NLGN4X: variants seen among roughly 807,000 people sequenced by gnomAD.
The protein encoded by NLGN4X is neuroligin-4, X-linked.
In NLGN4X, 3 loss-of-function variants were observed where a neutral mutation model predicts 40.3. The observed-to-expected ratio is 0.07, with a 90% CI of 0.03 to 0.19. The LOEUF (loss-of-function observed/expected upper bound fraction) is 0.19. NLGN4X is among the 10% of genes least tolerant of loss of function. The pLI is 1.00. For synonymous variants in NLGN4X, 270 were observed against 306.8 expected (o/e 0.88, Z 1.25); for missense variants, 382 against 708.3 (o/e 0.54, Z 5.23).
chrX:5,987,207 G>GA lies in NLGN4X; in HGVS notation c.625+42072dup, dbSNP rs1483693219. Among the ~76,000 whole-genome samples the GA allele has an allele frequency of 4.5e-5, 5 of 111,469 alleles. No individual in the cohort carries two copies. In the South Asian group the frequency reaches 1.1e-3, roughly 25 times the overall value. On this transcript the variant is annotated intron_variant, in intron 3 of 5. Transcript: ENST00000381095. ...AAATTTATAAAACAGTATTATGCATGAAAAAAACACACCAGAAAGTAATAG... is the reference window on the plus strand; with the variant it reads ...AAATTTATAAAACAGTATTATGCATGAAAAAAAACACACCAGAAAGTAATAG...
At chrX:6,083,764 A>C (rs900702487) in intron 2 of NLGN4X, among the ~76,000 whole-genome samples, 12 of 112,143 alleles carry the variant, frequency 1.1e-4, no homozygotes, top group African/African-American at 3.2e-4. Context: ...AACTAACAGG[A>C]GGGTGCAGAG....
chrX:6,210,535 C>A (rs896679150), intron 1 of NLGN4X, among the ~76,000 whole-genome samples: 1 of 111,707 alleles, frequency 9.0e-6, no homozygotes, highest in African/African-American at 3.3e-5. Context: ...AGAGCTGTCA[C>A]GTAGCTGGCC....
At chrX:6,001,938 A>G in intron 3 of NLGN4X, among the ~76,000 whole-genome samples, 1 of 111,913 alleles carries the variant, frequency 8.9e-6, no homozygotes, top group East Asian at 2.8e-4. Flanking sequence ...AGCACTTGCC[A>G]CTAAGGGGTG....
At chrX:6,054,240 A>G (rs1245226683) in intron 2 of NLGN4X, among the ~76,000 whole-genome samples, 1 of 111,887 alleles carries the variant, frequency 8.9e-6, no homozygotes, top group Non-Finnish European at 1.9e-5. Flanking sequence ...AGAGAACAAA[A>G]ATGTGTGTTC....
rs765212116 is a variant in NLGN4X, at chrX:6,099,418, T to G, written c.472+51577A>C. 9.2e-4 allele frequency among the ~76,000 whole-genome samples: 103 copies of G among 112,090 alleles called. 1 individual carries two copies. Among genetic ancestry groups the G allele is most frequent in the Non-Finnish European group, 1.5e-3 (79 of 53,227 alleles). On this transcript the variant is annotated intron_variant, in intron 2 of 5. Transcript: ENST00000381095. ...AAGAATGCTTATTTTCTTCTATGAGTTTTGTTGATCAAAATTACTTTGTTC... is the reference window on the plus strand; with the variant it reads ...AAGAATGCTTATTTTCTTCTATGAGGTTTGTTGATCAAAATTACTTTGTTC...
intron 3 of NLGN4X, among the ~76,000 whole-genome samples, chrX:5,961,644 A>G (rs1449239317): frequency 8.9e-6 from 1 of 112,159 alleles, no homozygotes; most frequent in Admixed American, 9.5e-5. Flanking sequence ...AGCCATTTAC[A>G]TAAGACACAG....
intron 2 of NLGN4X, among the ~76,000 whole-genome samples, chrX:6,038,520 C>T (rs1341207439): frequency 8.9e-5 from 10 of 112,937 alleles, no homozygotes; most frequent in Non-Finnish European, 1.1e-4. Flanking sequence ...GATCATTTAC[C>T]GATGGGCTTC....
chrX:6,167,069 CAAAAAAAAAAA>C (rs869227439), intron 1 of NLGN4X, among the ~76,000 whole-genome samples: 15 of 59,260 alleles, frequency 2.5e-4, no homozygotes, highest in African/African-American at 1.1e-3. Context: ...GAAACTGTCT[CAAAAAAAAAAA>C]AAAAAAAAAA....
chrX:6,097,026 C>G (rs886910515), intron 2 of NLGN4X, among the ~76,000 whole-genome samples: 2 of 110,079 alleles, frequency 1.8e-5, no homozygotes, highest in African/African-American at 6.6e-5. Flanking sequence ...ACATCTCCAA[C>G]TGTCATTATT....
chrX:6,091,926 C>T (rs1165277113), intron 2 of NLGN4X, among the ~76,000 whole-genome samples: 1 of 109,429 alleles, frequency 9.1e-6, no homozygotes. Context: ...TTCACTCCTT[C>T]CCTCTCTCCC....
chrX:6,134,603 T>C (rs1187885468), intron 2 of NLGN4X, among the ~76,000 whole-genome samples: 2 of 112,515 alleles, frequency 1.8e-5, no homozygotes, highest in Non-Finnish European at 3.8e-5. Context: ...GTTCAATAAA[T>C]ATTCACTGAG....
chrX:6,178,159 G>C (rs903570397), intron 1 of NLGN4X, among the ~76,000 whole-genome samples: 1 of 111,743 alleles, frequency 8.9e-6, no homozygotes, highest in African/African-American at 3.3e-5. Context: ...TATTACTATG[G>C]CTTCCAGACC....
chrX:5,966,157 C>A (rs1444304881), intron 3 of NLGN4X, among the ~76,000 whole-genome samples: 3 of 111,673 alleles, frequency 2.7e-5, no homozygotes, highest in African/African-American at 9.8e-5. Context: ...AGCATGTGTT[C>A]ATTGGAGCTC....
intron 2 of NLGN4X, among the ~76,000 whole-genome samples, chrX:6,057,965 A>G (rs2037675465): frequency 8.9e-6 from 1 of 111,804 alleles, no homozygotes; most frequent in Non-Finnish European, 1.9e-5. Flanking sequence ...ACTCATCATC[A>G]CAAGATAAGA....
chrX:5,966,477 T>C (rs190303914), intron 3 of NLGN4X, among the ~76,000 whole-genome samples: 1 of 112,823 alleles, frequency 8.9e-6, no homozygotes, highest in African/African-American at 3.2e-5. Flanking sequence ...TGATTTGTAT[T>C]ACATAGTCTG....
intron 3 of NLGN4X, among the ~76,000 whole-genome samples, chrX:5,989,738 T>C (rs1423352871): frequency 9.0e-6 from 1 of 111,222 alleles, no homozygotes; most frequent in Non-Finnish European, 1.9e-5. Context: ...AAAACTGGAG[T>C]AGCTCCTCCT....
At chrX:5,994,436 G>A (rs1266967783) in intron 3 of NLGN4X, among the ~76,000 whole-genome samples, 4 of 111,457 alleles carry the variant, frequency 3.6e-5, no homozygotes, top group Non-Finnish European at 7.5e-5. Context: ...CAACTTAGGA[G>A]GTCTCTTCTT....
rs2039009988 is a variant in NLGN4X, at chrX:6,105,350, T to C, written c.472+45645A>G. Among the ~76,000 whole-genome samples, 5 of 111,904 alleles carry C rather than the reference T, an allele frequency of 4.5e-5. No homozygotes were observed. The South Asian group carries it at 1.5e-3, about 34-fold the overall frequency. On this transcript the variant is annotated intron_variant, in intron 2 of 5. Transcript: ENST00000381095. ...CTTTAGACAAACTTGATTCATGACA[T>C]TGTGTGTGACACATTTATGTAATTT...
intron 2 of NLGN4X, among the ~76,000 whole-genome samples, chrX:6,052,302 T>G (rs1053644290): frequency 8.9e-6 from 1 of 112,067 alleles, no homozygotes; most frequent in Admixed American, 9.5e-5. Flanking sequence ...GTGTGTGATT[T>G]TAAGCCACTG....
Sources: gnomAD v4.1 joint callset for allele counts (sites outside exome capture counted in the v4.1 genomes callset) on GRCh38, gnomAD v4.1.1 for gene constraint, MANE v1.5 for transcripts, NCBI Gene and HGNC (gene_info 2026-07-23, HGNC 2026-07-21) for gene names.